FREM1: variants seen among roughly 807,000 people sequenced by gnomAD.
The protein encoded by FREM1 is FRAS1 related extracellular matrix 1, also known as FRAS1-related extracellular matrix protein 1.
A neutral mutation model predicts 210.1 loss-of-function variants in FREM1; 220 were observed. The ratio of observed to expected loss-of-function variants is 1.05; its 90% CI spans 0.94 to 1.17. FREM1 has a LOEUF of 1.17. Ranked by LOEUF, FREM1 falls within the 50% of genes most tolerant of loss-of-function variation. The pLI, the probability that FREM1 is intolerant of heterozygous loss-of-function variation, is 0.00. For missense variants in FREM1, 3,454 were observed against 2,675.5 expected (o/e 1.29, Z -6.42); for synonymous variants, 1,189 against 980.2 (o/e 1.21, Z -3.98).
intron 10 of FREM1, among the ~76,000 whole-genome samples, chr9:14,828,347 T>C (rs768382298): frequency 2.6e-4 from 40 of 152,218 alleles, no homozygotes; most frequent in Admixed American, 9.8e-4. Context: ...TCCTTTCTTC[T>C]TTCCTATTTC....
In FREM1 at chr9:14,797,570, C is replaced by T. The variant is rs576305832; in HGVS notation, c.3767G>A (p.Gly1256Glu). 48 of 1,612,298 alleles carry T rather than the reference C, an allele frequency of 3.0e-5. No individual in the cohort carries two copies. In the South Asian group the frequency reaches 5.3e-4, roughly 18 times the overall value. The change falls in exon 21 of 37, where the codon GGG (glycine) becomes GAG (glutamate). Residue 1256 changes from glycine to glutamate, a missense_variant. Transcript: ENST00000380880. Reference protein sequence around the residue: ...ADDFTIQLSDGKHKILKTISV... With the variant: ...ADDFTIQLSDEKHKILKTISV... ...AATGGTTTTAAGTATCTTATGTTTC[C>T]CATCTGACAATTGGATTGTAAAATC...
chr9:14,739,518 T>C (rs891456967), intron 36 of FREM1, among the ~76,000 whole-genome samples: 1 of 146,014 alleles, frequency 6.8e-6, no homozygotes, highest in African/African-American at 2.5e-5. Flanking sequence ...TATATGTATA[T>C]ATTCCAATAT....
chr9:14,791,476 T>C (rs1338571193), intron 22 of FREM1, among the ~76,000 whole-genome samples: 1 of 152,208 alleles, frequency 6.6e-6, no homozygotes, highest in Admixed American at 6.5e-5. Context: ...TGTTAAAATC[T>C]GTTATGCTAG....
At chr9:14,821,568 A>G (rs1462822756) in intron 13 of FREM1, among the ~76,000 whole-genome samples, 3 of 152,230 alleles carry the variant, frequency 2.0e-5, no homozygotes, top group African/African-American at 7.2e-5. Flanking sequence ...TAAGCATTCT[A>G]AACTATTTCA....
At chr9:14,898,189 C>T (rs549789468) in intron 1 of FREM1, among the ~76,000 whole-genome samples, 4 of 152,254 alleles carry the variant, frequency 2.6e-5, no homozygotes, top group South Asian at 4.1e-4. Context: ...GGTTCCTATT[C>T]TTCCTTGGGC....
rs201005586 is a variant in FREM1 at position 14,871,583 on chromosome 9, A to AT, written c.-267-2340dup. ...TTTGTCAAATGAGTAGGTTGCGAAA[A>AT]TTTTCTCCCATTGTATAGGTTGCCT... On this transcript the variant is annotated intron_variant, in intron 1 of 36. Transcript: ENST00000380880. Among the ~76,000 whole-genome samples, 839 of 151,924 alleles carry AT rather than the reference A, an allele frequency of 5.5e-3. 5 individuals carry two copies. Among genetic ancestry groups the AT allele is most frequent in the African/African-American group, 0.019 (789 of 41,404 alleles).
At chr9:14,883,816 C>T (rs985583678) in intron 1 of FREM1, among the ~76,000 whole-genome samples, 2 of 152,228 alleles carry the variant, frequency 1.3e-5, no homozygotes, top group Admixed American at 6.5e-5. Flanking sequence ...CATCTGTCCA[C>T]AGCTTGCTCT....
rs374520674 is a variant in FREM1, at chr9:14,737,525, C to G, written c.6411G>C (p.Gly2137=). ...TGGAGCGTTGAGAGGGCCCTCTTCT[C>G]CCATTGGTGAAGGCAACAGGTTCAC... The part of the protein sequence containing the change: ...IGGEPVAFTN[G]RRGPSQRSKL... Residue 2137 remains glycine, a synonymous_variant, in exon 37 of 37, where the codon GGG becomes GGC. Coordinates refer to ENST00000380880, the MANE Select transcript of FREM1 (RefSeq NM_001379081.2). 5.6e-6 allele frequency: 9 copies of G among 1,611,982 alleles called. No homozygotes were observed. Among genetic ancestry groups the G allele is most frequent in the Non-Finnish European group, 6.8e-6 (8 of 1,178,922 alleles).
At chr9:14,891,756 A>G (rs1836859657) in intron 1 of FREM1, among the ~76,000 whole-genome samples, 1 of 152,204 alleles carries the variant, frequency 6.6e-6, no homozygotes, top group Non-Finnish European at 1.5e-5. Context: ...GCATGTTTGA[A>G]GATGGAGAGA....
At chr9:14,868,717 G>C (rs1406396334) in intron 2 of FREM1, 27 bp downstream of exon 2, 1 of 1,437,786 alleles carries the variant, frequency 7.0e-7, no homozygotes, top group East Asian at 2.3e-5. Context: ...ACACACGACT[G>C]AACAGAAAAT....
At chr9:14,864,758 G>A (rs1483909216) in intron 2 of FREM1, among the ~76,000 whole-genome samples, 4 of 152,158 alleles carry the variant, frequency 2.6e-5, no homozygotes, top group Admixed American at 2.6e-4. Flanking sequence ...TGTTCGTGGT[G>A]TTTCGTCTGT....
At chr9:14,905,686 C>T (rs1817564338) in intron 1 of FREM1, among the ~76,000 whole-genome samples, 1 of 152,144 alleles carries the variant, frequency 6.6e-6, no homozygotes, top group Admixed American at 6.5e-5. Flanking sequence ...GTCAGGAGTT[C>T]AAGAGCAGCC....
At chr9:14,773,888 C>T (rs1395762606) in intron 25 of FREM1, among the ~76,000 whole-genome samples, 1 of 151,872 alleles carries the variant, frequency 6.6e-6, no homozygotes, top group Non-Finnish European at 1.5e-5. Context: ...AATTTGCAGC[C>T]AAAGAGACCC....
At chr9:14,830,795 C>G (rs1823418692) in intron 10 of FREM1, among the ~76,000 whole-genome samples, 1 of 152,220 alleles carries the variant, frequency 6.6e-6, no homozygotes, top group African/African-American at 2.4e-5. Flanking sequence ...TGTTCCTTCA[C>G]TCATCGAAGC....
intron 10 of FREM1, among the ~76,000 whole-genome samples, chr9:14,826,098 C>CTTTT (rs5896650): frequency 0.025 from 3,438 of 135,452 alleles, 239 homozygotes; most frequent in African/African-American, 0.091. Context: ...CTTTCTCAAC[C>CTTTT]TTTTTTTTTT....
At chr9:14,892,355 C>T (rs1466982719) in intron 1 of FREM1, among the ~76,000 whole-genome samples, 15 of 152,002 alleles carry the variant, frequency 9.9e-5, no homozygotes, top group Non-Finnish European at 1.3e-4. Flanking sequence ...GAGTAAATGA[C>T]GGGATTGGGT....
In FREM1 at chr9:14,824,531, C is replaced by A. The variant is rs1370053493; in HGVS notation, c.2078+265G>T. On this transcript the variant is annotated intron_variant, in intron 11 of 36. Coordinates refer to ENST00000380880, the MANE Select transcript of FREM1 (RefSeq NM_001379081.2). ...GTACTAAAAGAAAAATAAGCATTGTCTTTCAAAAAGTGGATTAAAGACTGT... is the reference window on the plus strand; with the variant it reads ...GTACTAAAAGAAAAATAAGCATTGTATTTCAAAAAGTGGATTAAAGACTGT... Among the ~76,000 whole-genome samples, 4 of 152,164 alleles carry A rather than the reference C, an allele frequency of 2.6e-5. No individual in the cohort carries two copies. The East Asian group carries it at 7.7e-4, about 29-fold the overall frequency.
chr9:14,744,927 C>G (rs1329948973), intron 35 of FREM1, among the ~76,000 whole-genome samples: 1 of 152,146 alleles, frequency 6.6e-6, no homozygotes, highest in Non-Finnish European at 1.5e-5. Flanking sequence ...CCATGGAATA[C>G]TATGCAGCCA....
chr9:14,864,617 T>A (rs1454810172), intron 2 of FREM1, among the ~76,000 whole-genome samples: 1 of 152,234 alleles, frequency 6.6e-6, no homozygotes, highest in African/African-American at 2.4e-5. Context: ...GATTGTTAAC[T>A]GTTATATTTT....
Sources: allele counts gnomAD v4.1 joint callset (sites outside exome capture counted in the v4.1 genomes callset), GRCh38; gene constraint gnomAD v4.1.1; transcripts MANE v1.5; gene names NCBI Gene and HGNC (gene_info 2026-07-23, HGNC 2026-07-21).